Variants in PCDH15 observed in about 807,000 individuals in gnomAD.
The protein encoded by PCDH15 is protocadherin-15.
In PCDH15, 129 loss-of-function variants were observed where a neutral mutation model predicts 178.5. That is an observed-to-expected ratio of 0.72 (90% confidence interval 0.63 to 0.84). The LOEUF is 0.84. Among genes scored for constraint, PCDH15 ranks in the 40% least tolerant of loss-of-function variants. The pLI is 0.00. For missense variants in PCDH15, 2,230 were observed against 2,099.9 expected, an observed-to-expected ratio of 1.06 and a Z score of -1.21; for synonymous variants, 800 against 732.0, an observed-to-expected ratio of 1.09 and a Z score of -1.50.
intron 3 of PCDH15, among the ~76,000 whole-genome samples, chr10:54,484,373 C>T (rs1177499864): frequency 6.6e-6 from 1 of 151,890 alleles, no homozygotes; most frequent in Non-Finnish European, 1.5e-5. Flanking sequence ...TGCTGTTCAA[C>T]CTTTAATACA....
At chr10:54,620,351 G>A (rs2093317408) in intron 2 of PCDH15, among the ~76,000 whole-genome samples, 1 of 151,810 alleles carries the variant, frequency 6.6e-6, no homozygotes, top group Non-Finnish European at 1.5e-5. Context: ...CTGATACAAT[G>A]GATTTAATAT....
chr10:54,015,490 A>G (rs922144409), intron 20 of PCDH15, among the ~76,000 whole-genome samples: 4 of 152,220 alleles, frequency 2.6e-5, no homozygotes, highest in African/African-American at 9.6e-5. Context: ...ACATTTCTTG[A>G]CTTCAAACTA....
chr10:55,550,973 G>A (rs1047144985), intron 2 of PCDH15, among the ~76,000 whole-genome samples: 1 of 151,976 alleles, frequency 6.6e-6, no homozygotes, highest in African/African-American at 2.4e-5. Context: ...TTCCCTAGAG[G>A]AGTACGTTAA....
At chr10:55,298,035 G>A (rs1243157262) in intron 1 of PCDH15, among the ~76,000 whole-genome samples, 2 of 152,098 alleles carry the variant, frequency 1.3e-5, no homozygotes, top group Non-Finnish European at 2.9e-5. Flanking sequence ...GTTTTTAAAA[G>A]TGTAACTTGT....
chr10:55,505,995 C>G (rs1240536964), intron 2 of PCDH15, among the ~76,000 whole-genome samples: 2 of 151,240 alleles, frequency 1.3e-5, no homozygotes, highest in Non-Finnish European at 3.0e-5. Context: ...TATTCAGACA[C>G]CTTAGACTAT....
intron 1 of PCDH15, among the ~76,000 whole-genome samples, chr10:55,177,641 T>C (rs1245352645): frequency 6.6e-6 from 1 of 151,900 alleles, no homozygotes; most frequent in African/African-American, 2.4e-5. Flanking sequence ...CCATGAGGAG[T>C]CTCCAGCTAA....
intron 3 of PCDH15, among the ~76,000 whole-genome samples, chr10:54,398,220 TCTTG>T (rs1951488488): frequency 6.6e-6 from 1 of 150,668 alleles, no homozygotes; most frequent in African/African-American, 2.5e-5. Flanking sequence ...AATTTCAAAA[TCTTG>T]CTTGTTTAAA....
intron 2 of PCDH15, among the ~76,000 whole-genome samples, chr10:55,540,854 C>T (rs1841743756): frequency 6.6e-6 from 1 of 152,014 alleles, no homozygotes; most frequent in Non-Finnish European, 1.5e-5. Flanking sequence ...AATATTCCCA[C>T]CTTAGAATTT....
intron 2 of PCDH15, among the ~76,000 whole-genome samples, chr10:54,937,816 T>A (rs1307338391): frequency 1.3e-5 from 2 of 152,056 alleles, no homozygotes; most frequent in African/African-American, 4.8e-5. Flanking sequence ...TACTTAAAAA[T>A]TTCTTATTCC....
intron 3 of PCDH15, among the ~76,000 whole-genome samples, chr10:54,410,729 T>C (rs1322424271): frequency 6.6e-6 from 1 of 152,108 alleles, no homozygotes; most frequent in Non-Finnish European, 1.5e-5. Context: ...AAGATGATTA[T>C]ATTTATTTTC....
At chr10:55,357,987 A>G (rs1845121894) in intron 2 of PCDH15, among the ~76,000 whole-genome samples, 1 of 152,204 alleles carries the variant, frequency 6.6e-6, no homozygotes, top group African/African-American at 2.4e-5. Flanking sequence ...GTGGATTTCC[A>G]TTTGCAGAGA....
chr10:54,527,245 C>T (rs2083447190), intron 3 of PCDH15, among the ~76,000 whole-genome samples: 1 of 152,122 alleles, frequency 6.6e-6, no homozygotes, highest in African/African-American at 2.4e-5. Context: ...CAAAGAAGAA[C>T]TTGGTATGAA....
At position 55,372,393 on chromosome 10, in the gene PCDH15, A is replaced by G. The variant is rs186423667; in HGVS notation, c.-155-205742T>C. 7.9e-5 allele frequency among the ~76,000 whole-genome samples: 12 copies of G among 152,248 alleles called. No homozygotes were observed. The East Asian group carries it at 2.3e-3, about 29-fold the overall frequency. ...AAAATCTTTCACTCTTTTGTAGAAA[A>G]TATTAAACTGGAAATATATACAAAA... On this transcript the variant is annotated intron_variant, in intron 2 of 5. Transcript: ENST00000613346.
chr10:53,982,340 A>G (rs11003966), intron 21 of PCDH15, among the ~76,000 whole-genome samples: 50,922 of 151,986 alleles, frequency 0.34, 10,356 homozygotes, highest in Middle Eastern at 0.57. Context: ...AAAGAATTAT[A>G]AATCATTCTG....
intron 20 of PCDH15, among the ~76,000 whole-genome samples, chr10:54,010,536 T>C (rs1460866045): frequency 6.6e-6 from 1 of 152,110 alleles, no homozygotes; most frequent in Non-Finnish European, 1.5e-5. Flanking sequence ...CTAGACTGCT[T>C]TCTATGCAGG....
chr10:53,910,840 A>C (rs902247457), intron 25 of PCDH15, among the ~76,000 whole-genome samples: 1 of 152,190 alleles, frequency 6.6e-6, no homozygotes, highest in Non-Finnish European at 1.5e-5. Flanking sequence ...GGAGCTGAAA[A>C]CCATGCACGA....
intron 2 of PCDH15, among the ~76,000 whole-genome samples, chr10:55,476,127 C>G (rs545417778): frequency 1.3e-5 from 2 of 152,040 alleles, no homozygotes; most frequent in Non-Finnish European, 2.9e-5. Flanking sequence ...ACAGTAGAGG[C>G]TCAATAAGTA....
At chr10:54,674,352 ATGG>A (rs2094739296) in intron 1 of PCDH15, among the ~76,000 whole-genome samples, 1 of 152,132 alleles carries the variant, frequency 6.6e-6, no homozygotes. Flanking sequence ...TTAAAACCAA[ATGG>A]TAGACTGTTC....
rs1222081131 is a variant in PCDH15, at chr10:54,779,510, GTGTGTA to G, written c.-29+21409_-29+21414del. Among the ~76,000 whole-genome samples, 15 of 136,004 alleles carry G rather than the reference GTGTGTA, an allele frequency of 1.1e-4. No individual in the cohort carries two copies. The East Asian group carries it at 2.8e-3, about 26-fold the overall frequency. The allele number at this position is 136,004 out of a possible 152,430, so 89.2% of individuals were successfully genotyped here. On this transcript the variant is annotated intron_variant, in intron 1 of 37. Coordinates refer to ENST00000644397, the MANE Select transcript of PCDH15 (RefSeq NM_001384140.1). ...TATGTATATATATACACACATATAT[GTGTGTA>G]TATATATATACACACACATATATAT...
Sources: gnomAD v4.1 joint callset for allele counts (sites outside exome capture counted in the v4.1 genomes callset) on GRCh38, gnomAD v4.1.1 for gene constraint, MANE v1.5 for transcripts, NCBI Gene and HGNC (gene_info 2026-07-23, HGNC 2026-07-21) for gene names.